Variants in DNAH11 observed in about 807,000 individuals in gnomAD.
DNAH11 encodes dynein axonemal heavy chain 11.
Under a neutral mutation model 526.0 loss-of-function variants are expected in DNAH11, and 442 were observed. The ratio of observed to expected loss-of-function variants is 0.84; its 90% CI spans 0.78 to 0.91. The LOEUF is 0.91. Ranked by LOEUF, DNAH11 falls within the 40% of genes least tolerant of loss-of-function variation. The pLI, the probability that DNAH11 is intolerant of heterozygous loss-of-function variation, is 0.00. For synonymous variants in DNAH11, 2,461 were observed against 1,935.9 expected (o/e 1.27, Z -7.12); for missense variants, 6,989 against 5,448.7 (o/e 1.28, Z -8.90).
intron 44 of DNAH11, among the ~76,000 whole-genome samples, chr7:21,721,417 T>C (rs1333110679): frequency 6.6e-6 from 1 of 152,134 alleles, no homozygotes; most frequent in African/African-American, 2.4e-5. Context: ...CTGGTTATCA[T>C]AGCGTCTTAG....
intron 54 of DNAH11, among the ~76,000 whole-genome samples, chr7:21,752,487 ATTATTC>A (rs1374154143): frequency 6.6e-6 from 1 of 152,098 alleles, no homozygotes; most frequent in Non-Finnish European, 1.5e-5. Flanking sequence ...TATTTAGGCA[ATTATTC>A]TTATATATGT....
chr7:21,773,779 ACT>A lies in DNAH11; in HGVS notation c.9119_9120del (p.Ser3040TyrfsTer2), dbSNP rs1787541407. On this transcript the variant is annotated frameshift_variant, in exon 56 of 82. Transcript: ENST00000409508. LOFTEE classifies it high-confidence loss of function. ...TTGTGTTTTCAGCCAGTGCACAAAG[ACT>A]CTATTAGCCTTTTCATGGCACATGT... The A allele has an allele frequency of 1.3e-6, 2 of 1,582,906 alleles. No homozygotes were observed. The highest frequency in any genetic ancestry group is 1.7e-6 in the Non-Finnish European group (2 of 1,165,302).
chr7:21,789,892 C>CTTTCTTTTTTCTTTCTTTCTTTCTTT (rs1312877014), intron 61 of DNAH11, among the ~76,000 whole-genome samples: 1 of 138,800 alleles, frequency 7.2e-6, no homozygotes, highest in African/African-American at 2.8e-5. Context: ...TTCTTTCTTT[C>CTTTCTTTTTTCTTTCTTTCTTTCTTT]CTTTCCCCTC....
At chr7:21,870,068 A>G (rs935610141) in intron 73 of DNAH11, among the ~76,000 whole-genome samples, 3 of 152,210 alleles carry the variant, frequency 2.0e-5, no homozygotes, top group African/African-American at 7.2e-5. Flanking sequence ...AATCATTACA[A>G]CAAAGCTCCT....
Position 21,786,634 on chromosome 7 carries a change from G to A in DNAH11, c.9608G>A (p.Ser3203Asn), listed in dbSNP as rs1173139296. The A allele has an allele frequency of 6.2e-7, 1 of 1,612,466 alleles. No homozygotes were observed. Among genetic ancestry groups the A allele is most frequent in the East Asian group, 2.2e-5 (1 of 44,858 alleles). The change falls in exon 59 of 82, where the codon AGT becomes AAT. Residue 3203 changes from serine (S) to asparagine (N), a missense_variant. Coordinates refer to ENST00000409508, the MANE Select transcript of DNAH11 (RefSeq NM_001277115.2). ...ALNTLNRVNL[S>N]ELKAFPNPPI... ...TGTGCTTTTCTTCAGGTCAACCTCA[G>A]TGAGCTGAAAGCCTTTCCCAACCCT...
intron 53 of DNAH11, 80 bp from the exon 54 acceptor site, chr7:21,750,142 A>T: frequency 6.9e-7 from 1 of 1,455,802 alleles, no homozygotes; most frequent in Non-Finnish European, 9.1e-7. Context: ...GTCTTGTAAA[A>T]CATTTCAAAC....
chr7:21,707,030 T>C (rs1166619664), intron 39 of DNAH11, among the ~76,000 whole-genome samples: 2 of 152,232 alleles, frequency 1.3e-5, no homozygotes, highest in East Asian at 3.8e-4. Flanking sequence ...ATAACTCTGC[T>C]GTAGGAGGCT....
chr7:21,840,321 A>G (rs771703044), intron 65 of DNAH11, among the ~76,000 whole-genome samples: 21 of 152,264 alleles, frequency 1.4e-4, no homozygotes, highest in Non-Finnish European at 2.6e-4. Context: ...GAGATAGGCA[A>G]TAAATATTTT....
intron 45 of DNAH11, 48 bp from the exon 46 acceptor site, chr7:21,735,590 GCA>G (rs1583642482): frequency 2.7e-5 from 40 of 1,506,228 alleles, no homozygotes; most frequent in South Asian, 4.9e-5. Flanking sequence ...TCTCTCGCAC[GCA>G]CTCTCTCTCT....
chr7:21,808,394 T>C (rs112832495), intron 63 of DNAH11, among the ~76,000 whole-genome samples: 395 of 152,334 alleles, frequency 2.6e-3, no homozygotes, highest in African/African-American at 9.1e-3. Flanking sequence ...TTAAGAACAC[T>C]ATAATTCTTC....
chr7:21,634,725 C>A (rs2128459011), intron 25 of DNAH11, among the ~76,000 whole-genome samples: 1 of 152,182 alleles, frequency 6.6e-6, no homozygotes, highest in African/African-American at 2.4e-5. Flanking sequence ...TGCCCATTAC[C>A]TGGGTGATGA....
intron 63 of DNAH11, 67 bp downstream of exon 63, chr7:21,808,116 A>C (rs963558276): frequency 7.9e-7 from 1 of 1,269,808 alleles, no homozygotes; most frequent in African/African-American, 1.5e-5. Flanking sequence ...AGTAAAACCC[A>C]CATATATGCC....
chr7:21,731,267 A>C (rs1026678843), intron 45 of DNAH11, among the ~76,000 whole-genome samples: 1 of 152,246 alleles, frequency 6.6e-6, no homozygotes, highest in Non-Finnish European at 1.5e-5. Flanking sequence ...TTGTCAGTTA[A>C]AAATTAACTT....
intron 28 of DNAH11, among the ~76,000 whole-genome samples, chr7:21,654,824 C>T (rs1173515224): frequency 6.6e-6 from 1 of 152,024 alleles, no homozygotes; most frequent in Non-Finnish European, 1.5e-5. Context: ...CTCTTTTTGT[C>T]TCCTTGGGTG....
intron 9 of DNAH11, among the ~76,000 whole-genome samples, chr7:21,584,378 T>A (rs1784415905): frequency 1.3e-5 from 2 of 151,554 alleles, no homozygotes; most frequent in African/African-American, 4.9e-5. Context: ...AGTTAAACAG[T>A]GAGAACACAT....
chr7:21,681,766 T>G, intron 31 of DNAH11, 89 bp downstream of exon 31: 2 of 1,515,338 alleles, frequency 1.3e-6, no homozygotes, highest in African/African-American at 1.4e-5. Flanking sequence ...AGTCGTTGTT[T>G]TTTTGAAAGT....
rs867382922 is a variant in DNAH11 at position 21,818,215 on chromosome 7, A to G, written c.10569-2A>G. The stretch of plus-strand genomic sequence containing the variant: ...TTATCTCAAATCCCACTGAATTTTA[A>G]GGTTTTTGAATGCCATTGAAACTGC... On this transcript the variant is annotated splice_acceptor_variant, in intron 64 of 81. Coordinates refer to ENST00000409508, the MANE Select transcript of DNAH11 (RefSeq NM_001277115.2). LOFTEE classifies it high-confidence loss of function. The G allele has an allele frequency of 5.6e-6, 9 of 1,608,004 alleles. No individual in the cohort carries two copies. Among genetic ancestry groups the G allele is most frequent in the Non-Finnish European group, 7.6e-6 (9 of 1,178,128 alleles).
chr7:21,617,607 A>G lies in DNAH11; in HGVS notation c.4096-12A>G, dbSNP rs376963667. On this transcript the variant is annotated splice_polypyrimidine_tract_variant and intron_variant, in intron 22 of 81. Transcript: ENST00000409508. The stretch of plus-strand genomic sequence containing the variant: ...TCTTGGGAGCTAGGTTTTTTCCTCC[A>G]CTTTTCTTTAGGAAATTTGGTCACT... The G allele has an allele frequency of 1.1e-5, 17 of 1,613,296 alleles. No homozygotes were observed. The highest frequency in any genetic ancestry group is 1.6e-4 in the Middle Eastern group (1 of 6,074).
intron 66 of DNAH11, among the ~76,000 whole-genome samples, chr7:21,844,552 A>C (rs1782341486): frequency 6.6e-6 from 1 of 152,234 alleles, no homozygotes; most frequent in African/African-American, 2.4e-5. Context: ...CAAAGCCAAA[A>C]GTATTTATTA....
Sources: allele counts gnomAD v4.1 joint callset (sites outside exome capture counted in the v4.1 genomes callset), GRCh38; gene constraint gnomAD v4.1.1; transcripts MANE v1.5; gene names NCBI Gene and HGNC (gene_info 2026-07-23, HGNC 2026-07-21).